Variants in ADGRG5 observed in about 807,000 individuals in gnomAD.
ADGRG5 encodes adhesion G protein-coupled receptor G5, also known as G protein-coupled receptor 114.
A neutral mutation model predicts 53.2 loss-of-function variants in ADGRG5; 37 were observed. The observed-to-expected ratio is 0.70, with a 90% CI of 0.53 to 0.91. The LOEUF (loss-of-function observed/expected upper bound fraction) is 0.91, where lower values mean the gene tolerates loss of function less well. Among genes scored for constraint, ADGRG5 ranks in the 40% least tolerant of loss-of-function variants. The probability of loss-of-function intolerance (pLI) is 0.00; values close to 1 mark genes in which losing one functional copy is unlikely to be tolerated. For synonymous variants in ADGRG5, 277 were observed against 290.4 expected, an observed-to-expected ratio of 0.95 and a Z score of 0.47; for missense variants, 614 against 675.8, an observed-to-expected ratio of 0.91 and a Z score of 1.01.
At chr16:57,562,537 CTG>C in intron 3 of ADGRG5, 78 bp downstream of exon 3, 1 of 928,008 alleles carries the variant, frequency 1.1e-6, no homozygotes, top group South Asian at 1.5e-5. Context: ...AGACTCTTAA[CTG>C]TGCATTTCTT....
intron 10 of ADGRG5, among the ~76,000 whole-genome samples, chr16:57,571,271 C>G (rs866103308): frequency 7.8e-4 from 119 of 152,244 alleles, no homozygotes; most frequent in African/African-American, 2.7e-3. Context: ...TTCGTTTTCA[C>G]AAGGGCAAGG....
At chr16:57,536,325 G>A in the ADGRG5 span, among the ~76,000 whole-genome samples, 1 of 152,150 alleles carries the variant, frequency 6.6e-6, no homozygotes, top group East Asian at 1.9e-4. Context: ...AGGCCGGGGA[G>A]GCGTCTAGAA....
At chr16:57,530,909 G>A in the ADGRG5 span, among the ~76,000 whole-genome samples, 1 of 151,780 alleles carries the variant, frequency 6.6e-6, no homozygotes, top group African/African-American at 2.4e-5. Context: ...CCCTGTGACG[G>A]TGTGCCCTCT....
At chr16:57,572,631 G>T (rs1407077130) in intron 10 of ADGRG5, among the ~76,000 whole-genome samples, 2 of 152,232 alleles carry the variant, frequency 1.3e-5, no homozygotes, top group South Asian at 2.1e-4. Flanking sequence ...GGTGGAGATT[G>T]CAGTGAGCCG....
intron 11 of ADGRG5, 85 bp from the exon 12 acceptor site, chr16:57,575,353 G>A (rs1238095428): frequency 7.7e-7 from 1 of 1,297,244 alleles, no homozygotes. Flanking sequence ...TGGGCCCCAG[G>A]GAGGCCAGCT....
chr16:57,554,918 C>T (rs1292028238), intron 1 of ADGRG5, among the ~76,000 whole-genome samples: 6 of 151,764 alleles, frequency 4.0e-5, no homozygotes, highest in Non-Finnish European at 8.8e-5. Context: ...GATTTTGTCT[C>T]TGACTCATGG....
chr16:57,568,480 G>T (rs1477818775), intron 9 of ADGRG5, among the ~76,000 whole-genome samples: 1 of 118,366 alleles, frequency 8.4e-6, no homozygotes, highest in African/African-American at 3.3e-5. Flanking sequence ...CTCTGTTATC[G>T]CCATCACCTC....
At position 57,547,175 on chromosome 16, in the gene ADGRG5, T is replaced by G. The variant is rs141999517; in HGVS notation, c.-39+4474T>G. Among the ~76,000 whole-genome samples, 44 of 152,018 alleles carry G rather than the reference T, an allele frequency of 2.9e-4. 1 individual carries two copies. The highest frequency in any genetic ancestry group is 8.9e-4 in the African/African-American group (37 of 41,410). The stretch of plus-strand genomic sequence containing the variant: ...TAAAAATCCTATTAAAATATTTGTG[T>G]TTTTTTTGTTGTTGTCATGAAGGTA... On this transcript the variant is annotated intron_variant, in intron 1 of 11. Coordinates refer to ENST00000349457, the MANE Select transcript of ADGRG5 (RefSeq NM_001304376.3).
Position 57,563,157 on chromosome 16 carries a change from G to A in ADGRG5, c.207G>A (p.Gln69=), listed in dbSNP as rs373289339. 2.5e-6 allele frequency: 4 copies of A among 1,614,024 alleles called. No individual in the cohort carries two copies. The highest frequency in any genetic ancestry group is 1.7e-6 in the Non-Finnish European group (2 of 1,179,996). Residue 69 remains glutamine (Q), a synonymous_variant, in exon 4 of 12, where the codon CAG becomes CAA. Transcript: ENST00000349457. ...TSFPGYNLTL[Q]TPTIQSLAFK... is the part of the protein sequence containing the mutation. ...TCCCAGGCTACAACCTGACCTTGCA[G>A]ACACCCACCATCCAGTCTCTGGCCT...
In ADGRG5 at chr16:57,567,845, C is replaced by A. The variant is rs566968161; in HGVS notation, c.822-11C>A. 6.2e-7 allele frequency: 1 copy of A among 1,603,290 alleles called. No homozygotes were observed. Among genetic ancestry groups the A allele is most frequent in the Non-Finnish European group, 8.5e-7 (1 of 1,177,098 alleles). ...TCCCTGGGCCATGGAGGACCATTCTCTCACCTGCAGGAAGCAGAGTGACTC... is the reference window on the plus strand; with the variant it reads ...TCCCTGGGCCATGGAGGACCATTCTATCACCTGCAGGAAGCAGAGTGACTC... On this transcript the variant is annotated splice_polypyrimidine_tract_variant and intron_variant, in intron 8 of 11. Transcript: ENST00000349457.
At chr16:57,575,408 C>A (rs568401401) in intron 11 of ADGRG5, 30 bp from the exon 12 acceptor site, 76 of 1,601,274 alleles carry the variant, frequency 4.7e-5, no homozygotes, top group South Asian at 2.3e-4. Context: ...GCCCATGCTG[C>A]CCCGTGGAAC....
intron 1 of ADGRG5, among the ~76,000 whole-genome samples, chr16:57,557,321 AGTC>A (rs1464533158): frequency 2.0e-5 from 3 of 152,230 alleles, no homozygotes; most frequent in Non-Finnish European, 2.9e-5. Context: ...TCTGATAAGA[AGTC>A]TCTTGTAGTT....
In ADGRG5 at chr16:57,574,448, C is replaced by T. The variant is rs905218880; in HGVS notation, c.1209-367C>T. 1.2e-4 allele frequency among the ~76,000 whole-genome samples: 18 copies of T among 152,184 alleles called. No individual in the cohort carries two copies. The highest frequency in any genetic ancestry group is 4.1e-4 in the African/African-American group (17 of 41,440). ...GGGAAGTTTCCAGGAAAGAGGGCTC[C>T]GGGCCAAGGATCCAATAGAAGATGG... is the stretch of plus-strand genomic sequence containing the variant. On this transcript the variant is annotated intron_variant, in intron 10 of 11. Transcript: ENST00000349457. This position sits in a 1 kb window ranked among gnomAD's most constrained non-coding sequence, Gnocchi z 4.4.
chr16:57,556,649 C>T (rs78284027), intron 1 of ADGRG5, among the ~76,000 whole-genome samples: 2,573 of 152,290 alleles, frequency 0.017, 74 homozygotes, highest in African/African-American at 0.06. Flanking sequence ...TCTACTTCTA[C>T]AGACACTGTG....
chr16:57,574,776 G>A lies in ADGRG5; in HGVS notation c.1209-39G>A. On this transcript the variant is annotated intron_variant, in intron 10 of 11. Coordinates refer to ENST00000349457, the MANE Select transcript of ADGRG5 (RefSeq NM_001304376.3). The surrounding 1 kb of genome is among the most constrained non-coding windows in gnomAD (Gnocchi z 4.4). Reference sequence around the variant, plus strand: ...TGATGCTGGCCTCCCCGCGGGCCTGGGAGCCACTGTGAGCCTGACACGTCA... The same window carrying A: ...TGATGCTGGCCTCCCCGCGGGCCTGAGAGCCACTGTGAGCCTGACACGTCA... The A allele has an allele frequency of 1.3e-6, 2 of 1,529,998 alleles. No homozygotes were observed. The highest frequency in any genetic ancestry group is 2.3e-5 in the East Asian group (1 of 43,944). The allele number at this position is 1,529,998 out of a possible 1,614,324, so 94.8% of individuals were successfully genotyped here.
chr16:57,553,768 G>C (rs534532392), intron 1 of ADGRG5, among the ~76,000 whole-genome samples: 4 of 152,124 alleles, frequency 2.6e-5, no homozygotes, highest in Non-Finnish European at 5.9e-5. Context: ...GAGGGGTGTT[G>C]GTCTGTAGTT....
intron 1 of ADGRG5, among the ~76,000 whole-genome samples, chr16:57,559,015 T>A (rs1307828022): frequency 6.6e-5 from 4 of 60,488 alleles, no homozygotes; most frequent in Admixed American, 1.8e-4. Context: ...CTGCCTAATT[T>A]TTTTTTTTTT....
chr16:57,542,046 C>T (rs1018572824), upstream of ADGRG5, among the ~76,000 whole-genome samples: 19 of 152,228 alleles, frequency 1.2e-4, no homozygotes, highest in Admixed American at 6.5e-5. Context: ...AGTGACTTTG[C>T]CAGCCTTACC....
At chr16:57,560,397 C>T (rs2032973668) in intron 1 of ADGRG5, among the ~76,000 whole-genome samples, 1 of 152,230 alleles carries the variant, frequency 6.6e-6, no homozygotes, top group Admixed American at 6.5e-5. Context: ...AACCTAATTG[C>T]TTGGCAGAGC....
Sources: gnomAD v4.1 joint callset for allele counts (sites outside exome capture counted in the v4.1 genomes callset) on GRCh38, gnomAD v4.1.1 for gene constraint, Gnocchi (gnomAD v3.1) non-coding constraint, MANE v1.5 for transcripts, NCBI Gene and HGNC (gene_info 2026-07-23, HGNC 2026-07-21) for gene names.